Variants in MSN observed in about 807,000 individuals in gnomAD.
The protein encoded by MSN is epididymis luminal protein 70.
Under a neutral mutation model 48.0 loss-of-function variants are expected in MSN, and 2 were observed. That is an observed-to-expected ratio of 0.04 (90% CI 0.02 to 0.13). The LOEUF (loss-of-function observed/expected upper bound fraction) is 0.13. MSN is among the 10% of genes least tolerant of loss of function. The pLI is 1.00. For missense variants in MSN, 267 were observed against 470.1 expected (o/e 0.57, Z 3.99); for synonymous variants, 146 against 166.9 (o/e 0.87, Z 0.97).
intron 9 of MSN, 39 bp downstream of exon 9, chrX:65,736,964 G>A: frequency 8.3e-7 from 1 of 1,204,928 alleles, no homozygotes; most frequent in Non-Finnish European, 1.1e-6. Flanking sequence ...GATTTTTCCA[G>A]GCCTAACTCT....
chrX:65,738,710 C>T lies in MSN; in HGVS notation c.1344+93C>T. The T allele has an allele frequency of 3.5e-6, 3 of 856,382 alleles. No homozygotes were observed. The South Asian group carries it at 7.3e-5, about 21-fold the overall frequency. The allele number at this position is 856,382 out of a possible 1,213,427, so 70.6% of individuals were successfully genotyped here. Reference sequence around the variant, plus strand: ...AGATTCCTTATGTTTTGGCTCCCTCCCTCTTTCATACTTCCCACAGCAGGC... The same window carrying T: ...AGATTCCTTATGTTTTGGCTCCCTCTCTCTTTCATACTTCCCACAGCAGGC... On this transcript the variant is annotated intron_variant, in intron 11 of 12. Coordinates refer to ENST00000360270, the MANE Select transcript of MSN (RefSeq NM_002444.3).
At chrX:65,662,675 A>G (rs779232066), upstream of MSN, among the ~76,000 whole-genome samples, 19 of 112,753 alleles carry the variant, frequency 1.7e-4, no homozygotes, top group African/African-American at 5.8e-4. Flanking sequence ...ATCTCAAACT[A>G]TAAAAATCAC....
rs752017302 is a variant in MSN, at chrX:65,729,440, G to C, written c.195G>C (p.Val65=). The C allele has an allele frequency of 9.9e-6, 12 of 1,209,383 alleles. No individual in the cohort carries two copies. The South Asian group carries it at 1.9e-4, about 20-fold the overall frequency. The part of the protein sequence containing the change: ...FSTWLKLNKK[V]TAQDVRKESP... Reference sequence around the variant, plus strand: ...TCCATAACCCTTACTCTTCCCAGGTGACTGCCCAGGATGTGCGGAAGGAAA... The same window carrying C: ...TCCATAACCCTTACTCTTCCCAGGTCACTGCCCAGGATGTGCGGAAGGAAA... The change falls in exon 4 of 13, where the codon GTG becomes GTC. Residue 65 remains valine (V), a splice_region_variant and synonymous_variant. Coordinates refer to ENST00000360270, the MANE Select transcript of MSN (RefSeq NM_002444.3).
At chrX:65,637,396 C>T (rs753744851) in intron 1 of MSN, among the ~76,000 whole-genome samples, 1 of 105,439 alleles carries the variant, frequency 9.5e-6, no homozygotes, top group African/African-American at 3.5e-5. Context: ...GAGCAAAACT[C>T]CATCTTAAGA....
chrX:65,665,947 G>A (rs183502512), upstream of MSN, among the ~76,000 whole-genome samples: 3 of 112,065 alleles, frequency 2.7e-5, no homozygotes, highest in South Asian at 3.7e-4. Context: ...CCTTCACATG[G>A]TTGCCAGTGG....
At chrX:65,601,459 CG>C (rs1569452848) in intron 1 of MSN, among the ~76,000 whole-genome samples, 2 of 112,458 alleles carry the variant, frequency 1.8e-5, no homozygotes, top group Non-Finnish European at 3.8e-5. Context: ...ATAACTTTTC[CG>C]GTTTGGGAAA....
At chrX:65,672,910 T>C (rs2070956543) in intron 1 of MSN, among the ~76,000 whole-genome samples, 1 of 111,891 alleles carries the variant, frequency 8.9e-6, no homozygotes, top group Non-Finnish European at 1.9e-5. Flanking sequence ...CCAGGCAGTA[T>C]TGGAAATACA....
chrX:65,686,385 A>G lies in MSN; in HGVS notation c.12+18532A>G, dbSNP rs768031798. Among the ~76,000 whole-genome samples the G allele has an allele frequency of 1.1e-3, 122 of 112,582 alleles. 1 individual carries two copies. Among genetic ancestry groups the G allele is most frequent in the African/African-American group, 3.8e-3 (118 of 31,005 alleles). ...CTTTAATCCTGGAACCTCTGCTACCAGAGGTTGACCCTGACTGGGCTAGGC... is the reference window on the plus strand; with the variant it reads ...CTTTAATCCTGGAACCTCTGCTACCGGAGGTTGACCCTGACTGGGCTAGGC... On this transcript the variant is annotated intron_variant, in intron 1 of 12. Transcript: ENST00000360270.
intron 1 of MSN, among the ~76,000 whole-genome samples, chrX:65,689,147 C>T (rs900372808): frequency 4.5e-5 from 5 of 111,540 alleles, no homozygotes; most frequent in Non-Finnish European, 9.4e-5. Context: ...AGTCCTTGCT[C>T]GTTTTTGGGC....
At chrX:65,661,924 G>T (rs1473082948) in intron 1 of MSN, among the ~76,000 whole-genome samples, 1 of 112,605 alleles carries the variant, frequency 8.9e-6, no homozygotes, top group African/African-American at 3.2e-5. Flanking sequence ...CAAGGCAGAA[G>T]AATTGCTTGA....
At chrX:65,634,378 C>T (rs929693692) in intron 1 of MSN, among the ~76,000 whole-genome samples, 59 of 112,264 alleles carry the variant, frequency 5.3e-4, no homozygotes, top group Non-Finnish European at 9.6e-4. Flanking sequence ...TTTGGGTGGC[C>T]GAGGTGGGTG....
intron 1 of MSN, among the ~76,000 whole-genome samples, chrX:65,648,301 C>A (rs2070710448): frequency 8.9e-6 from 1 of 112,153 alleles, no homozygotes; most frequent in South Asian, 3.7e-4. Flanking sequence ...GCCTGTAATC[C>A]CAGCACTTTG....
chrX:65,697,196 C>A (rs1357298961), intron 1 of MSN, among the ~76,000 whole-genome samples: 1 of 106,814 alleles, frequency 9.4e-6, no homozygotes, highest in Non-Finnish European at 1.9e-5. Flanking sequence ...AGGGGAACAG[C>A]AGGCTGGGTG....
chrX:65,634,895 C>T (rs1408274322), intron 1 of MSN, among the ~76,000 whole-genome samples: 1 of 111,236 alleles, frequency 9.0e-6, no homozygotes, highest in Non-Finnish European at 1.9e-5. Context: ...CCTGGGAGCC[C>T]TGTCAGTACC....
intron 1 of MSN, among the ~76,000 whole-genome samples, chrX:65,646,422 C>G (rs2070695196): frequency 8.9e-6 from 1 of 111,803 alleles, no homozygotes; most frequent in East Asian, 2.8e-4. Context: ...TGAGAGATAG[C>G]TGGCCCAGAG....
chrX:65,617,396 T>A (rs1193553481), intron 1 of MSN, among the ~76,000 whole-genome samples: 1 of 107,973 alleles, frequency 9.3e-6, no homozygotes, highest in Non-Finnish European at 1.9e-5. Context: ...CTGTTATTGG[T>A]CTATTCAGAG....
At chrX:65,594,170 A>G (rs1389154018) in intron 1 of MSN, among the ~76,000 whole-genome samples, 2 of 111,701 alleles carry the variant, frequency 1.8e-5, no homozygotes, top group Non-Finnish European at 3.8e-5. Context: ...GCTTTCAGAG[A>G]CCATTCTAGT....
chrX:65,626,866 G>T (rs1359348967), intron 1 of MSN, among the ~76,000 whole-genome samples: 1 of 111,368 alleles, frequency 9.0e-6, no homozygotes, highest in Non-Finnish European at 1.9e-5. Flanking sequence ...AGACTAGAAT[G>T]GACTTACACT....
intron 2 of MSN, among the ~76,000 whole-genome samples, chrX:65,719,116 A>G (rs2071493617): frequency 8.9e-6 from 1 of 112,140 alleles, no homozygotes; most frequent in African/African-American, 3.2e-5. Flanking sequence ...AATGCATTCT[A>G]ATTATAATTG....
Sources: allele counts gnomAD v4.1 joint callset (sites outside exome capture counted in the v4.1 genomes callset), GRCh38; gene constraint gnomAD v4.1.1; transcripts MANE v1.5; gene names NCBI Gene and HGNC (gene_info 2026-07-23, HGNC 2026-07-21).